The following TOGARAM2 variants were observed in gnomAD, a reference collection of about 807,000 sequenced individuals.
TOGARAM2 encodes TOG array regulator of axonemal microtubules protein 2.
In TOGARAM2, 85 loss-of-function variants were observed where a neutral mutation model predicts 93.3. That is an observed-to-expected ratio of 0.91 (90% CI 0.76 to 1.09). The LOEUF is 1.09. Ranked by LOEUF, TOGARAM2 falls within the 50% of genes least tolerant of loss-of-function variation. The pLI is 0.00. For missense variants in TOGARAM2, 1,277 were observed against 1,334.5 expected (o/e 0.96, Z 0.67); for synonymous variants, 593 against 552.8 (o/e 1.07, Z -1.02).
At chr2:28,973,691 TA>T (rs1037606416) in intron 1 of TOGARAM2, among the ~76,000 whole-genome samples, 84 of 151,074 alleles carry the variant, frequency 5.6e-4, no homozygotes, top group African/African-American at 1.8e-3. Flanking sequence ...TCCAGCTAAT[TA>T]AAAAAAAATG....
chr2:28,979,379 C>T (rs1477905438), upstream of TOGARAM2, among the ~76,000 whole-genome samples: 1 of 152,226 alleles, frequency 6.6e-6, no homozygotes, highest in African/African-American at 2.4e-5. Flanking sequence ...CTGCAGTCTT[C>T]CTGCTAGGCA....
chr2:29,028,376 C>T (rs974348643), intron 14 of TOGARAM2, among the ~76,000 whole-genome samples: 17 of 152,178 alleles, frequency 1.1e-4, no homozygotes, highest in Admixed American at 9.8e-4. Context: ...GGCACCTCCT[C>T]GGACGTGCCC....
chr2:28,974,892 A>G (rs898645513), intron 1 of TOGARAM2, among the ~76,000 whole-genome samples: 3 of 151,782 alleles, frequency 2.0e-5, no homozygotes, highest in Admixed American at 6.6e-5. Context: ...TGGCCTCCCA[A>G]ATTGTTGGGA....
intron 14 of TOGARAM2, 36 bp downstream of exon 14, chr2:29,027,047 C>G (rs1272666202): frequency 6.6e-7 from 1 of 1,518,474 alleles, no homozygotes; most frequent in East Asian, 2.5e-5. Flanking sequence ...GCAGAGAAGG[C>G]AACCAACCAG....
At chr2:29,007,479 G>A (rs1003830186) in intron 6 of TOGARAM2, among the ~76,000 whole-genome samples, 1 of 152,084 alleles carries the variant, frequency 6.6e-6, no homozygotes, top group Non-Finnish European at 1.5e-5. Context: ...TTTCTTAACA[G>A]CCATGAAAGC....
chr2:29,028,315 T>A (rs755867273), intron 14 of TOGARAM2, among the ~76,000 whole-genome samples: 3 of 152,106 alleles, frequency 2.0e-5, no homozygotes, highest in Non-Finnish European at 4.4e-5. Context: ...CCCTGAGGGA[T>A]GTAGTGCCTG....
At chr2:28,970,058 G>C (rs1024712953) in intron 1 of TOGARAM2, among the ~76,000 whole-genome samples, 1 of 152,130 alleles carries the variant, frequency 6.6e-6, no homozygotes, top group Non-Finnish European at 1.5e-5. Flanking sequence ...TGATCCGCCC[G>C]CCTTGGCCTC....
upstream of TOGARAM2, among the ~76,000 whole-genome samples, chr2:28,977,820 C>T (rs1382416162): frequency 6.6e-6 from 1 of 152,082 alleles, no homozygotes; most frequent in Non-Finnish European, 1.5e-5. Flanking sequence ...ATGAGAGGCA[C>T]CTCTTTTCTA....
intron 1 of TOGARAM2, 56 bp downstream of exon 1, chr2:28,981,594 G>A (rs1321618083): frequency 6.6e-6 from 1 of 152,484 alleles, no homozygotes; most frequent in East Asian, 1.9e-4. Context: ...TGGGAGGCTG[G>A]GTCAGGACCC....
At chr2:29,005,769 A>G (rs1169832086) in intron 6 of TOGARAM2, among the ~76,000 whole-genome samples, 2 of 65,536 alleles carry the variant, frequency 3.1e-5, no homozygotes, top group East Asian at 8.6e-4. Flanking sequence ...GTGTGAGTAC[A>G]TGTGTGGAGT....
chr2:28,963,925 T>G (rs1671830989), intron 1 of TOGARAM2, among the ~76,000 whole-genome samples: 1 of 152,146 alleles, frequency 6.6e-6, no homozygotes, highest in South Asian at 2.1e-4. Flanking sequence ...GAGAATTGCT[T>G]GAACCCAGGA....
At chr2:28,995,835 C>T (rs1247426261) in intron 2 of TOGARAM2, among the ~76,000 whole-genome samples, 1 of 152,210 alleles carries the variant, frequency 6.6e-6, no homozygotes, top group East Asian at 1.9e-4. Context: ...AGCTGGGTTT[C>T]CACCTGCGTG....
rs538523752 is a variant in TOGARAM2 at position 29,022,926 on chromosome 2, G to A, written c.1512-160G>A. 1.2e-4 allele frequency among the ~76,000 whole-genome samples: 19 copies of A among 152,296 alleles called. No homozygotes were observed. The South Asian group carries it at 3.3e-3, about 27-fold the overall frequency. On this transcript the variant is annotated intron_variant, in intron 11 of 19. Transcript: ENST00000379558. The stretch of plus-strand genomic sequence containing the variant: ...CTGAGTGGTTAGGATTCCAGGCCAG[G>A]GTGTTACCCCGGGAAACCCTGCTCT...
chr2:28,962,518 A>G (rs1182110827), intron 1 of TOGARAM2, among the ~76,000 whole-genome samples: 1 of 151,998 alleles, frequency 6.6e-6, no homozygotes, highest in East Asian at 1.9e-4. Flanking sequence ...CGGATCCTCC[A>G]TGTTTTTGAG....
chr2:29,041,632 C>T (rs552851642), intron 18 of TOGARAM2, among the ~76,000 whole-genome samples: 16 of 152,288 alleles, frequency 1.1e-4, no homozygotes, highest in African/African-American at 3.8e-4. Flanking sequence ...AGGTGTAAGG[C>T]CCCTTAGACC....
At chr2:28,983,666 G>A (rs1411830010) in intron 1 of TOGARAM2, among the ~76,000 whole-genome samples, 1 of 152,034 alleles carries the variant, frequency 6.6e-6, no homozygotes, top group African/African-American at 2.4e-5. Context: ...CTCAAGGGTG[G>A]GTTCCTAGGA....
chr2:29,015,109 T>G (rs1227441755), intron 8 of TOGARAM2, among the ~76,000 whole-genome samples: 1 of 152,212 alleles, frequency 6.6e-6, no homozygotes, highest in African/African-American at 2.4e-5. Context: ...GAGCCTGTGC[T>G]CATTCTTTGA....
intron 16 of TOGARAM2, 48 bp from the exon 17 acceptor site, chr2:29,035,416 C>T (rs1011212182): frequency 1.7e-5 from 22 of 1,290,148 alleles, no homozygotes; most frequent in East Asian, 6.0e-5. Flanking sequence ...TGGGTTCATT[C>T]CCCCGGGCTC....
At chr2:28,967,725 T>C (rs1185687336) in intron 1 of TOGARAM2, among the ~76,000 whole-genome samples, 1 of 150,898 alleles carries the variant, frequency 6.6e-6, no homozygotes, top group Non-Finnish European at 1.5e-5. Context: ...CTTCCACGAG[T>C]GTCAATTTCC....
Sources: allele counts gnomAD v4.1 joint callset (sites outside exome capture counted in the v4.1 genomes callset), GRCh38; gene constraint gnomAD v4.1.1; transcripts MANE v1.5; gene names NCBI Gene and HGNC (gene_info 2026-07-23, HGNC 2026-07-21).